Variants in SPACA7 observed in about 807,000 individuals in gnomAD.
SPACA7 encodes sperm acrosome-associated protein 7.
A neutral mutation model predicts 26.3 loss-of-function variants in SPACA7; 19 were observed. The ratio of observed to expected loss-of-function variants is 0.72; its 90% CI spans 0.50 to 1.06. SPACA7 has a LOEUF of 1.06. Among genes scored for constraint, SPACA7 ranks in the 50% least tolerant of loss-of-function variants. SPACA7 has a pLI of 0.00. For synonymous variants in SPACA7, 84 were observed against 84.5 expected, an observed-to-expected ratio of 0.99 and a Z score of 0.04; for missense variants, 211 against 229.9, an observed-to-expected ratio of 0.92 and a Z score of 0.53.
intron 1 of SPACA7, chr13:112,382,451 T>C (rs1214514362): frequency 6.5e-6 from 10 of 1,550,248 alleles, no homozygotes; most frequent in East Asian, 4.9e-5. Flanking sequence ...AGGCTGTCAA[T>C]GCTCTGGCTT....
At chr13:112,432,340 C>G in intron 5 of SPACA7, 104 bp from the exon 6 acceptor site, 1 of 887,142 alleles carries the variant, frequency 1.1e-6, no homozygotes, top group Non-Finnish European at 1.8e-6. Flanking sequence ...TGCGTGGGTG[C>G]TGCTTTGCTC....
chr13:112,378,206 G>C (rs1883817355), intron 1 of SPACA7, among the ~76,000 whole-genome samples: 1 of 152,104 alleles, frequency 6.6e-6, no homozygotes, highest in Admixed American at 6.6e-5. Flanking sequence ...GAACATTGAA[G>C]GACTCTAAAA....
chr13:112,382,230 T>C, intron 1 of SPACA7: 2 of 529,888 alleles, frequency 3.8e-6, no homozygotes, highest in Non-Finnish European at 6.5e-6. Flanking sequence ...TTGGGTTTTA[T>C]AGCACCTTAA....
In SPACA7 at chr13:112,399,314, C is replaced by A. The variant is rs1885486945; in HGVS notation, c.349+141C>A. The A allele has an allele frequency of 4.5e-6, 3 of 664,180 alleles. No individual in the cohort carries two copies. In the South Asian group the frequency reaches 5.2e-5, roughly 12 times the overall value. 41.1% of individuals were successfully genotyped at this position (664,180 alleles called of 1,614,324 possible). On this transcript the variant is annotated intron_variant, in intron 4 of 6. Transcript: ENST00000283550. Reference sequence around the variant, plus strand: ...AATGTGCCCACTTCCCCTGGTTGGGCAGATCTCCCAGTCTCTGTCGGGGCT... The same window carrying A: ...AATGTGCCCACTTCCCCTGGTTGGGAAGATCTCCCAGTCTCTGTCGGGGCT...
At chr13:112,431,892 GACT>G (rs1366007595) in intron 5 of SPACA7, among the ~76,000 whole-genome samples, 1 of 152,214 alleles carries the variant, frequency 6.6e-6, no homozygotes, top group Non-Finnish European at 1.5e-5. Flanking sequence ...GGTTTGGGGG[GACT>G]TGGAGCCACT....
chr13:112,402,601 TG>T (rs1885719216), intron 5 of SPACA7, among the ~76,000 whole-genome samples: 1 of 152,234 alleles, frequency 6.6e-6, no homozygotes, highest in East Asian at 1.9e-4. Flanking sequence ...ATTCTTGCCT[TG>T]TTCATGGCCT....
chr13:112,431,248 T>A (rs1460714935), intron 5 of SPACA7, among the ~76,000 whole-genome samples: 1 of 152,244 alleles, frequency 6.6e-6, no homozygotes, highest in Admixed American at 6.5e-5. Flanking sequence ...TGTTTGCAGA[T>A]CCACGTTCCT....
intron 5 of SPACA7, among the ~76,000 whole-genome samples, chr13:112,402,435 A>G (rs1885707987): frequency 6.6e-6 from 1 of 152,216 alleles, no homozygotes; most frequent in African/African-American, 2.4e-5. Flanking sequence ...ATCATTGATT[A>G]TCTAGGGTTT....
At chr13:112,421,238 A>G (rs1379561499) in intron 5 of SPACA7, among the ~76,000 whole-genome samples, 1 of 151,860 alleles carries the variant, frequency 6.6e-6, no homozygotes, top group African/African-American at 2.4e-5. Flanking sequence ...AAAAAAAAAA[A>G]AAAAAGTATG....
chr13:112,407,460 T>C (rs143368605), intron 5 of SPACA7, among the ~76,000 whole-genome samples: 100 of 152,180 alleles, frequency 6.6e-4, no homozygotes, highest in African/African-American at 2.3e-3. Context: ...ACAGAATTGA[T>C]AGACCTCTAG....
intron 5 of SPACA7, 121 bp from the exon 6 acceptor site, chr13:112,432,323 T>G (rs1449491179): frequency 2.8e-6 from 2 of 705,200 alleles, no homozygotes; most frequent in South Asian, 3.7e-5. Context: ...TCACCCCGCT[T>G]GCTCTGTGCG....
chr13:112,404,549 G>C (rs991201152), intron 5 of SPACA7, among the ~76,000 whole-genome samples: 1 of 152,144 alleles, frequency 6.6e-6, no homozygotes, highest in Non-Finnish European at 1.5e-5. Context: ...ATGGTTTCAG[G>C]TCTTAAATTT....
chr13:112,388,573 G>A (rs923048559), intron 1 of SPACA7, among the ~76,000 whole-genome samples: 1 of 152,158 alleles, frequency 6.6e-6, no homozygotes, highest in Non-Finnish European at 1.5e-5. Context: ...TTGAAGGGGG[G>A]CCACTGAACC....
At chr13:112,425,495 G>A (rs566659701) in intron 5 of SPACA7, among the ~76,000 whole-genome samples, 20 of 152,304 alleles carry the variant, frequency 1.3e-4, no homozygotes, top group South Asian at 2.1e-4. Context: ...CAGGCAGCGC[G>A]AGGCCACCCA....
chr13:112,429,298 C>T (rs77158084), intron 5 of SPACA7, among the ~76,000 whole-genome samples: 1,624 of 152,038 alleles, frequency 0.011, 8 homozygotes, highest in Non-Finnish European at 0.016. Flanking sequence ...ATGGCTTTAG[C>T]CCAGGAGGTC....
intron 5 of SPACA7, among the ~76,000 whole-genome samples, chr13:112,404,810 G>T (rs1218548215): frequency 6.6e-6 from 1 of 152,022 alleles, no homozygotes; most frequent in Non-Finnish European, 1.5e-5. Flanking sequence ...TTCTGTTTGG[G>T]TGACTATAGC....
chr13:112,401,530 G>A (rs758403875), intron 5 of SPACA7, among the ~76,000 whole-genome samples: 1 of 152,082 alleles, frequency 6.6e-6, no homozygotes, highest in Non-Finnish European at 1.5e-5. Flanking sequence ...GATGATAGAT[G>A]GATAATTGTT....
intron 6 of SPACA7, among the ~76,000 whole-genome samples, chr13:112,433,400 G>A (rs1877378536): frequency 1.3e-5 from 2 of 148,862 alleles, no homozygotes; most frequent in African/African-American, 2.5e-5. Flanking sequence ...CACTGTCCTA[G>A]GCTCTGGGGT....
At chr13:112,385,046 T>C (rs1431012775) in intron 1 of SPACA7, among the ~76,000 whole-genome samples, 1 of 152,194 alleles carries the variant, frequency 6.6e-6, no homozygotes, top group African/African-American at 2.4e-5. Context: ...GAAAACCCTA[T>C]TATTCGGACA....
Sources: gnomAD v4.1 joint callset for allele counts (sites outside exome capture counted in the v4.1 genomes callset) on GRCh38, gnomAD v4.1.1 for gene constraint, MANE v1.5 for transcripts, NCBI Gene and HGNC (gene_info 2026-07-23, HGNC 2026-07-21) for gene names.